LRRC4C: variants seen among roughly 807,000 people sequenced by gnomAD.
LRRC4C encodes leucine rich repeat containing 4C, also known as leucine-rich repeat-containing protein 4C.
LRRC4C carries 5 observed loss-of-function variants against 33.6 expected under a neutral mutation model. The observed-to-expected ratio is 0.15, with a 90% CI of 0.08 to 0.31. LRRC4C has a LOEUF of 0.31. Among genes scored for constraint, LRRC4C ranks in the 10% least tolerant of loss-of-function variants. LRRC4C has a pLI of 1.00. For missense variants in LRRC4C, 560 were observed against 796.7 expected (o/e 0.70, Z 3.58); for synonymous variants, 329 against 302.0 (o/e 1.09, Z -0.93).
intron 1 of LRRC4C, among the ~76,000 whole-genome samples, chr11:41,278,407 T>G (rs959081365): frequency 6.6e-6 from 1 of 152,224 alleles, no homozygotes; most frequent in Non-Finnish European, 1.5e-5. Flanking sequence ...TTGCTTAAAG[T>G]TGAAGTTTCC....
chr11:41,429,273 A>C (rs1482242401), intron 1 of LRRC4C, among the ~76,000 whole-genome samples: 1 of 152,120 alleles, frequency 6.6e-6, no homozygotes, highest in Non-Finnish European at 1.5e-5. Flanking sequence ...AGCCATGCTG[A>C]ACTGTGAGTC....
At chr11:40,817,515 G>A (rs890197094) in intron 2 of LRRC4C, among the ~76,000 whole-genome samples, 3 of 152,090 alleles carry the variant, frequency 2.0e-5, no homozygotes, top group Non-Finnish European at 4.4e-5. Context: ...TTGATGCAAG[G>A]GTTGCATGGT....
intron 1 of LRRC4C, among the ~76,000 whole-genome samples, chr11:40,961,928 C>G (rs1473517594): frequency 6.6e-6 from 1 of 151,446 alleles, no homozygotes; most frequent in East Asian, 1.9e-4. Context: ...TGACAGTTTC[C>G]TCTTTTTGGA....
intron 1 of LRRC4C, among the ~76,000 whole-genome samples, chr11:41,223,256 T>G (rs1947387036): frequency 6.6e-6 from 1 of 152,208 alleles, no homozygotes; most frequent in Non-Finnish European, 1.5e-5. Flanking sequence ...GTTTATTTGA[T>G]GGCTGAAAGG....
intron 1 of LRRC4C, among the ~76,000 whole-genome samples, chr11:41,350,230 G>A (rs974132578): frequency 2.0e-5 from 3 of 152,238 alleles, no homozygotes; most frequent in Admixed American, 6.5e-5. Context: ...AAATGTTTTC[G>A]TCAGGTGCAG....
At chr11:40,214,943 G>T (rs1590730796) in intron 5 of LRRC4C, among the ~76,000 whole-genome samples, 1 of 152,206 alleles carries the variant, frequency 6.6e-6, no homozygotes, top group East Asian at 1.9e-4. Context: ...TACATTAAAG[G>T]TGTTGCTGGT....
chr11:40,495,915 C>T (rs1054023923), intron 3 of LRRC4C, among the ~76,000 whole-genome samples: 8 of 144,502 alleles, frequency 5.5e-5, no homozygotes, highest in Admixed American at 2.1e-4. Context: ...CTACAACCTC[C>T]GCCCCCGGGG....
intron 1 of LRRC4C, among the ~76,000 whole-genome samples, chr11:40,992,067 C>T (rs1047169594): frequency 6.6e-6 from 1 of 152,176 alleles, no homozygotes; most frequent in Non-Finnish European, 1.5e-5. Flanking sequence ...AAAACATCCA[C>T]TTGTTCAGTT....
intron 5 of LRRC4C, among the ~76,000 whole-genome samples, chr11:40,148,674 T>A (rs1013396412): frequency 1.3e-5 from 2 of 152,208 alleles, no homozygotes; most frequent in African/African-American, 4.8e-5. Flanking sequence ...GTGCAGAAGA[T>A]CCTTAGTTTA....
intron 3 of LRRC4C, among the ~76,000 whole-genome samples, chr11:40,577,980 ACCCTCCACTATGC>A (rs1439699579): frequency 6.7e-6 from 1 of 149,542 alleles, no homozygotes; most frequent in Non-Finnish European, 1.5e-5. Flanking sequence ...GACTACAGGT[ACCCTCCACTATGC>A]CCGGTTAATT....
intron 1 of LRRC4C, among the ~76,000 whole-genome samples, chr11:40,995,492 G>A (rs2137304799): frequency 6.6e-6 from 1 of 152,080 alleles, no homozygotes; most frequent in South Asian, 2.1e-4. Context: ...GATCCTAGGA[G>A]ATATCTTTCA....
intron 1 of LRRC4C, among the ~76,000 whole-genome samples, chr11:41,077,258 T>G (rs1939221778): frequency 6.6e-6 from 1 of 152,156 alleles, no homozygotes; most frequent in Admixed American, 6.5e-5. Context: ...GGCAGTGCCT[T>G]AGTGGAGACT....
chr11:40,834,907 G>GACACACACACACACACACACACAC (rs778150169), intron 2 of LRRC4C, among the ~76,000 whole-genome samples: 2 of 45,206 alleles, frequency 4.4e-5, no homozygotes, highest in Non-Finnish European at 1.3e-4. Flanking sequence ...CAGACAGACA[G>GACACACACACACACACACACACAC]ACAGACACAC....
At chr11:41,355,939 T>C (rs574753653) in intron 1 of LRRC4C, among the ~76,000 whole-genome samples, 5 of 152,214 alleles carry the variant, frequency 3.3e-5, no homozygotes, top group Admixed American at 3.3e-4. Context: ...AGTATTTACA[T>C]AGCTAGAAAT....
At chr11:40,731,474 C>T (rs1225191536) in intron 2 of LRRC4C, among the ~76,000 whole-genome samples, 1 of 152,104 alleles carries the variant, frequency 6.6e-6, no homozygotes, top group Non-Finnish European at 1.5e-5. Context: ...GATGCTGGTA[C>T]CATGCTTGTA....
chr11:40,504,265 T>C (rs1174597368), intron 3 of LRRC4C, among the ~76,000 whole-genome samples: 1 of 152,150 alleles, frequency 6.6e-6, no homozygotes, highest in East Asian at 1.9e-4. Context: ...TGAAAGAATA[T>C]AACTTTTGTG....
At chr11:41,146,950 A>G (rs993083424) in intron 1 of LRRC4C, among the ~76,000 whole-genome samples, 1 of 152,242 alleles carries the variant, frequency 6.6e-6, no homozygotes, top group Non-Finnish European at 1.5e-5. Flanking sequence ...GATTAGTCAT[A>G]TTGAAGACTG....
At chr11:40,607,365 C>A (rs1166036661) in intron 3 of LRRC4C, among the ~76,000 whole-genome samples, 1 of 152,128 alleles carries the variant, frequency 6.6e-6, no homozygotes, top group Non-Finnish European at 1.5e-5. Flanking sequence ...TTGCATTTTT[C>A]AAGACAACTT....
intron 1 of LRRC4C, among the ~76,000 whole-genome samples, chr11:41,094,058 G>A (rs938748724): frequency 6.6e-6 from 1 of 150,748 alleles, no homozygotes; most frequent in African/African-American, 2.4e-5. Flanking sequence ...GCAGTGAGCG[G>A]TGATCACGAG....
Sources: gnomAD v4.1 joint callset for allele counts (sites outside exome capture counted in the v4.1 genomes callset) on GRCh38, gnomAD v4.1.1 for gene constraint, MANE v1.5 for transcripts, NCBI Gene and HGNC (gene_info 2026-07-23, HGNC 2026-07-21) for gene names.